The following WDR37 variants were observed in gnomAD, a reference collection of about 807,000 sequenced individuals.
The protein encoded by WDR37 is WD repeat domain 37.
Under a neutral mutation model 62.9 loss-of-function variants are expected in WDR37, and 19 were observed. The ratio of observed to expected loss-of-function variants is 0.30; its 90% CI spans 0.21 to 0.44. The LOEUF (loss-of-function observed/expected upper bound fraction) is 0.44, where lower values mean the gene tolerates loss of function less well. Among genes scored for constraint, WDR37 ranks in the 20% least tolerant of loss-of-function variants. The pLI, the probability that WDR37 is intolerant of heterozygous loss-of-function variation, is 1.00. For missense variants in WDR37, 474 were observed against 657.6 expected, an observed-to-expected ratio of 0.72 and a Z score of 3.05; for synonymous variants, 250 against 260.9, an observed-to-expected ratio of 0.96 and a Z score of 0.40.
intron 1 of WDR37, among the ~76,000 whole-genome samples, chr10:1,068,705 C>T (rs776460339): frequency 2.0e-5 from 3 of 152,108 alleles, no homozygotes; most frequent in Non-Finnish European, 2.9e-5. Context: ...AAAAAAACCA[C>T]AAAAACTAAA....
At chr10:1,087,874 G>T (rs1159586573) in intron 7 of WDR37, among the ~76,000 whole-genome samples, 2 of 152,224 alleles carry the variant, frequency 1.3e-5, no homozygotes, top group Non-Finnish European at 2.9e-5. Flanking sequence ...GTACTAGACA[G>T]CATATTCTTC....
In WDR37 at chr10:1,077,912, T is replaced by C. The variant is rs780091359; in HGVS notation, c.144T>C (p.Ser48=). The change falls in exon 3 of 14, where the codon TCT becomes TCC. Residue 48 remains serine, a synonymous_variant. Transcript: ENST00000263150. ...LPRDMLEGQD[S]KLPSSVRSTL... Reference sequence around the variant, plus strand: ...AACAAAGTCTTCTTCTGCAGGATTCTAAACTGCCTTCCTCGGTTCGCAGTA... The same window carrying C: ...AACAAAGTCTTCTTCTGCAGGATTCCAAACTGCCTTCCTCGGTTCGCAGTA... 1 of 1,609,714 alleles carries C rather than the reference T, an allele frequency of 6.2e-7. No individual in the cohort carries two copies. The highest frequency in any genetic ancestry group is 1.1e-5 in the South Asian group (1 of 89,694).
At position 1,121,594 on chromosome 10, in the gene WDR37, C is replaced by T. The variant is rs192514083; in HGVS notation, c.1104-2624C>T. ...CTGGGCGTTTGCTTGTGTCCTGCCCCGTGTGATGCCGTGGTTTCCAGTTGG... is the reference window on the plus strand; with the variant it reads ...CTGGGCGTTTGCTTGTGTCCTGCCCTGTGTGATGCCGTGGTTTCCAGTTGG... On this transcript the variant is annotated intron_variant, in intron 11 of 13. Transcript: ENST00000263150. The surrounding 1 kb of genome is among the most constrained non-coding windows in gnomAD (Gnocchi z 4.5). Among the ~76,000 whole-genome samples, 343 of 152,272 alleles carry T rather than the reference C, an allele frequency of 2.3e-3. 1 individual carries two copies. Among genetic ancestry groups the T allele is most frequent in the South Asian group, 6.2e-3 (30 of 4,814 alleles).
At chr10:1,125,157 T>C (rs1835699537) in intron 13 of WDR37, 133 bp downstream of exon 13, 2 of 1,411,242 alleles carry the variant, frequency 1.4e-6, no homozygotes, top group East Asian at 2.6e-5. Context: ...GTATTTAGAG[T>C]TCATAAAATT....
intron 12 of WDR37, 91 bp downstream of exon 12, chr10:1,124,443 A>G (rs978273176): frequency 2.6e-6 from 4 of 1,552,590 alleles, no homozygotes; most frequent in Admixed American, 3.4e-5. Flanking sequence ...GGTTTAATTG[A>G]TAGAACCCCG....
At chr10:1,101,832 C>T (rs1834816268) in intron 9 of WDR37, among the ~76,000 whole-genome samples, 1 of 152,236 alleles carries the variant, frequency 6.6e-6, no homozygotes, top group Non-Finnish European at 1.5e-5. Flanking sequence ...CAGAGAGTCC[C>T]TCCTCAGTAA....
At chr10:1,101,158 C>T (rs1710789811) in intron 9 of WDR37, among the ~76,000 whole-genome samples, 1 of 152,248 alleles carries the variant, frequency 6.6e-6, no homozygotes, top group African/African-American at 2.4e-5. Flanking sequence ...GCACTTCTCT[C>T]ATCTCCTGTC....
At chr10:1,113,961 T>TTTTTTTA (rs1191503552) in intron 11 of WDR37, among the ~76,000 whole-genome samples, 3 of 141,588 alleles carry the variant, frequency 2.1e-5, no homozygotes, top group Non-Finnish European at 4.6e-5. Context: ...TTTTTTTTTT[T>TTTTTTTA]TTTTTTTTTT....
intron 2 of WDR37, among the ~76,000 whole-genome samples, chr10:1,074,022 T>A (rs1833797044): frequency 6.6e-6 from 1 of 152,330 alleles, no homozygotes; most frequent in South Asian, 2.1e-4. Context: ...ATCTGCTGTC[T>A]GATGTGGGAA....
At chr10:1,077,125 C>G (rs1374283315) in intron 2 of WDR37, among the ~76,000 whole-genome samples, 1 of 152,110 alleles carries the variant, frequency 6.6e-6, no homozygotes. Context: ...AGGCCATGCC[C>G]TCAGGGAGGT....
intron 11 of WDR37, among the ~76,000 whole-genome samples, chr10:1,119,095 CGTGCT>C (rs1452217971): frequency 1.3e-5 from 2 of 152,196 alleles, no homozygotes; most frequent in African/African-American, 4.8e-5. Flanking sequence ...ACCAGAAGGC[CGTGCT>C]GCAAAACAAG....
rs1014357811 is a variant in WDR37 at position 1,066,216 on chromosome 10, T to C, written c.-40-5900T>C. 3.3e-5 allele frequency among the ~76,000 whole-genome samples: 5 copies of C among 152,084 alleles called. No homozygotes were observed. The South Asian group carries it at 6.2e-4, about 19-fold the overall frequency. ...CTGCAACCTCCGCCTCCCGGGTTGATGCCATTCTCCTGCCTCAGCCTCCTG... is the reference window on the plus strand; with the variant it reads ...CTGCAACCTCCGCCTCCCGGGTTGACGCCATTCTCCTGCCTCAGCCTCCTG... On this transcript the variant is annotated intron_variant, in intron 1 of 13. Transcript: ENST00000263150.
chr10:1,126,361 G>A (rs377190516), intron 13 of WDR37, among the ~76,000 whole-genome samples: 2,658 of 149,102 alleles, frequency 0.018, 36 homozygotes, highest in Middle Eastern at 0.028. Flanking sequence ...AGCTGAGATC[G>A]CGCCACTGCA....
At chr10:1,062,482 C>G (rs1320703062) in intron 1 of WDR37, among the ~76,000 whole-genome samples, 1 of 152,156 alleles carries the variant, frequency 6.6e-6, no homozygotes, top group Non-Finnish European at 1.5e-5. Context: ...AAGGGAAACC[C>G]TTTGCTGGTT....
At chr10:1,098,570 C>T (rs1257607912) in intron 9 of WDR37, among the ~76,000 whole-genome samples, 1 of 152,152 alleles carries the variant, frequency 6.6e-6, no homozygotes, top group East Asian at 1.9e-4. Flanking sequence ...CGTGATCCGC[C>T]CTCCTCGGCC....
intron 7 of WDR37, among the ~76,000 whole-genome samples, chr10:1,092,444 A>G (rs1008435845): frequency 6.6e-6 from 1 of 150,688 alleles, no homozygotes; most frequent in African/African-American, 2.4e-5. Context: ...ATCTTGGCTC[A>G]CTGCAAGCTC....
chr10:1,122,288 C>G (rs1835607253), intron 11 of WDR37, among the ~76,000 whole-genome samples: 1 of 152,192 alleles, frequency 6.6e-6, no homozygotes, highest in Non-Finnish European at 1.5e-5. Flanking sequence ...TGGAAATTCA[C>G]ATGCTTATCA....
rs939495654 is a variant in WDR37, at chr10:1,068,950, A to G, written c.-40-3166A>G. Among the ~76,000 whole-genome samples the G allele has an allele frequency of 3.9e-5, 6 of 152,210 alleles. No individual in the cohort carries two copies. In the South Asian group the frequency reaches 8.3e-4, roughly 21 times the overall value. On this transcript the variant is annotated intron_variant, in intron 1 of 13. Transcript: ENST00000263150. ...AGCTGGTTGTCACAGACCAGAGCGT[A>G]TGTTGTATGATTCCATTTTTATGAA...
At chr10:1,075,737 T>C (rs938037518) in intron 2 of WDR37, among the ~76,000 whole-genome samples, 1 of 150,654 alleles carries the variant, frequency 6.6e-6, no homozygotes, top group African/African-American at 2.4e-5. Flanking sequence ...ATACTAATAG[T>C]GATTCTCAGT....
Sources: allele counts gnomAD v4.1 joint callset (sites outside exome capture counted in the v4.1 genomes callset), GRCh38; gene constraint gnomAD v4.1.1; non-coding constraint Gnocchi (gnomAD v3.1); transcripts MANE v1.5; gene names NCBI Gene and HGNC (gene_info 2026-07-23, HGNC 2026-07-21).